USP13: variants seen among roughly 807,000 people sequenced by gnomAD.
USP13 encodes the protein ubiquitin specific peptidase 13, also known as ubiquitin carboxyl-terminal hydrolase 13.
A neutral mutation model predicts 107.8 loss-of-function variants in USP13; 68 were observed. That is an observed-to-expected ratio of 0.63 (90% CI 0.52 to 0.77). The LOEUF is 0.77. Among genes scored for constraint, USP13 ranks in the 30% least tolerant of loss-of-function variants. The probability of loss-of-function intolerance (pLI) is 0.00; values close to 1 mark genes in which losing one functional copy is unlikely to be tolerated. For missense variants in USP13, 945 were observed against 1,093.3 expected (o/e 0.86, Z 1.91); for synonymous variants, 377 against 389.5 (o/e 0.97, Z 0.38).
intron 6 of USP13, among the ~76,000 whole-genome samples, chr3:179,712,820 T>C (rs1712978006): frequency 6.6e-6 from 1 of 152,134 alleles, no homozygotes; most frequent in Non-Finnish European, 1.5e-5. Context: ...CCATCAACAG[T>C]GTATGACAGT....
At chr3:179,745,492 G>A (rs867170943) in intron 13 of USP13, among the ~76,000 whole-genome samples, 34 of 150,166 alleles carry the variant, frequency 2.3e-4, no homozygotes, top group Middle Eastern at 3.5e-3. Context: ...TCTATTAGGA[G>A]CCTTCCTTCC....
At chr3:179,758,148 A>G (rs1430965195) in intron 16 of USP13, among the ~76,000 whole-genome samples, 1 of 152,098 alleles carries the variant, frequency 6.6e-6, no homozygotes, top group Non-Finnish European at 1.5e-5. Context: ...TAGAGGATCA[A>G]ACTTCCTAGA....
intron 1 of USP13, among the ~76,000 whole-genome samples, chr3:179,671,504 G>A (rs930697277): frequency 2.6e-5 from 4 of 152,166 alleles, no homozygotes; most frequent in Admixed American, 6.5e-5. Context: ...ACGCCAGGAA[G>A]AGTGTGCATG....
rs193042232 is a variant in USP13, at chr3:179,742,845, C to A, written c.1534+495C>A. On this transcript the variant is annotated intron_variant, in intron 12 of 20. Coordinates refer to ENST00000263966, the MANE Select transcript of USP13 (RefSeq NM_003940.3). This position sits in a 1 kb window ranked among gnomAD's most constrained non-coding sequence, Gnocchi z 5.0. ...GTCAGGGTTCTTTGTAGAAGCAAAG[C>A]CCATTAGAAGGGTCTCTGGGCTTTG... Among the ~76,000 whole-genome samples, 53 of 152,276 alleles carry A rather than the reference C, an allele frequency of 3.5e-4. No individual in the cohort carries two copies. The highest frequency in any genetic ancestry group is 9.9e-4 in the African/African-American group (41 of 41,544).
At chr3:179,747,452 T>A (rs1465999488) in intron 13 of USP13, among the ~76,000 whole-genome samples, 1 of 152,162 alleles carries the variant, frequency 6.6e-6, no homozygotes, top group Non-Finnish European at 1.5e-5. Flanking sequence ...GGGGTATTGT[T>A]CACTTGCCTG....
chr3:179,755,880 A>C (rs1283647275), intron 15 of USP13, among the ~76,000 whole-genome samples: 3 of 152,218 alleles, frequency 2.0e-5, no homozygotes, highest in Non-Finnish European at 2.9e-5. Flanking sequence ...AGATGAGTCT[A>C]GAAGGAGCAA....
At chr3:179,659,919 G>A (rs542557660) in intron 1 of USP13, among the ~76,000 whole-genome samples, 37 of 152,270 alleles carry the variant, frequency 2.4e-4, no homozygotes, top group Admixed American at 5.9e-4. Context: ...GCGGGCGCCT[G>A]TAGTCCCAGC....
chr3:179,653,442 A>T lies in USP13; in HGVS notation c.168+49A>T, dbSNP rs757684032. On this transcript the variant is annotated intron_variant, in intron 1 of 20. Coordinates refer to ENST00000263966, the MANE Select transcript of USP13 (RefSeq NM_003940.3). The surrounding 1 kb of genome is among the most constrained non-coding windows in gnomAD (Gnocchi z 4.0). ...GGTCGCGGGGCCGGCGGCCTGCGGCACGTGAAGCCGGGGGAGAAGATGCGC... is the reference window on the plus strand; with the variant it reads ...GGTCGCGGGGCCGGCGGCCTGCGGCTCGTGAAGCCGGGGGAGAAGATGCGC... 1.3e-6 allele frequency: 2 copies of T among 1,530,786 alleles called. No individual in the cohort carries two copies. The highest frequency in any genetic ancestry group is 1.8e-6 in the Non-Finnish European group (2 of 1,135,094). 94.8% of individuals were successfully genotyped at this position (1,530,786 alleles called of 1,614,324 possible). A position where few individuals can be genotyped will look rare whatever the true frequency, so the allele number is the denominator to read the frequency against.
intron 3 of USP13, among the ~76,000 whole-genome samples, chr3:179,695,545 T>C (rs978474778): frequency 6.6e-6 from 1 of 152,164 alleles, no homozygotes; most frequent in Admixed American, 6.5e-5. Flanking sequence ...TTTTTTTTTT[T>C]TAACTAGCAA....
chr3:179,752,473 C>A, intron 14 of USP13, 100 bp downstream of exon 14: 1 of 827,788 alleles, frequency 1.2e-6, no homozygotes, highest in South Asian at 1.5e-5. Context: ...ACAAACAGTT[C>A]CATTTCATTC....
intron 19 of USP13, among the ~76,000 whole-genome samples, chr3:179,769,142 T>G (rs1348558181): frequency 2.0e-5 from 3 of 152,184 alleles, no homozygotes; most frequent in Non-Finnish European, 4.4e-5. Flanking sequence ...TGCTATTTTG[T>G]GACTTGCTTT....
intron 1 of USP13, among the ~76,000 whole-genome samples, chr3:179,669,999 C>G (rs772155749): frequency 1.0e-4 from 15 of 149,700 alleles, no homozygotes; most frequent in Non-Finnish European, 2.1e-4. Flanking sequence ...CTTTGCAGCC[C>G]TCTCCTCCTG....
chr3:179,672,315 T>C (rs1720771924), intron 1 of USP13, among the ~76,000 whole-genome samples: 1 of 152,204 alleles, frequency 6.6e-6, no homozygotes, highest in Admixed American at 6.5e-5. Context: ...TGTATGTATA[T>C]TGAAATGCAT....
At chr3:179,658,004 G>C (rs556868621) in intron 1 of USP13, among the ~76,000 whole-genome samples, 18 of 152,060 alleles carry the variant, frequency 1.2e-4, no homozygotes, top group Non-Finnish European at 2.1e-4. Flanking sequence ...TCAGTTTCCA[G>C]GTGGTCAGTT....
chr3:179,693,799 G>A (rs13326216), intron 3 of USP13, among the ~76,000 whole-genome samples: 27,018 of 151,506 alleles, frequency 0.18, 2,606 homozygotes, highest in Non-Finnish European at 0.2. Flanking sequence ...TCAGCCTCCC[G>A]AGTAGCTGGG....
At chr3:179,750,407 A>C (rs1418112433) in intron 13 of USP13, among the ~76,000 whole-genome samples, 1 of 149,660 alleles carries the variant, frequency 6.7e-6, no homozygotes, top group Non-Finnish European at 1.5e-5. Context: ...GGACTTGGTG[A>C]CATTTAAATA....
chr3:179,665,582 A>G (rs555496098), intron 1 of USP13, among the ~76,000 whole-genome samples: 11 of 152,122 alleles, frequency 7.2e-5, no homozygotes, highest in African/African-American at 2.6e-4. Flanking sequence ...CTTATAGGAT[A>G]TTTAAGGCTT....
intron 19 of USP13, among the ~76,000 whole-genome samples, chr3:179,774,658 C>T (rs1715457496): frequency 6.6e-6 from 1 of 152,190 alleles, no homozygotes; most frequent in African/African-American, 2.4e-5. Flanking sequence ...TGAGCAGCAG[C>T]AAGATTTATT....
intron 1 of USP13, among the ~76,000 whole-genome samples, chr3:179,669,851 T>C (rs1253049909): frequency 6.6e-6 from 1 of 152,212 alleles, no homozygotes; most frequent in African/African-American, 2.4e-5. Flanking sequence ...TCCATAATTC[T>C]TCCACAGTAG....
Sources: allele counts gnomAD v4.1 joint callset (sites outside exome capture counted in the v4.1 genomes callset), GRCh38; gene constraint gnomAD v4.1.1; non-coding constraint Gnocchi (gnomAD v3.1); transcripts MANE v1.5; gene names NCBI Gene and HGNC (gene_info 2026-07-23, HGNC 2026-07-21).